The following PCDH9 variants were observed in gnomAD, a reference collection of about 807,000 sequenced individuals.
The protein encoded by PCDH9 is protocadherin-9.
Under a neutral mutation model 70.6 loss-of-function variants are expected in PCDH9, and 24 were observed. The ratio of observed to expected loss-of-function variants is 0.34; its 90% CI spans 0.25 to 0.48. The LOEUF is 0.48. PCDH9 is among the 20% of genes least tolerant of loss of function. PCDH9 has a pLI of 0.99. For missense variants in PCDH9, 1,281 were observed against 1,503.6 expected, an observed-to-expected ratio of 0.85 and a Z score of 2.45; for synonymous variants, 562 against 558.5, an observed-to-expected ratio of 1.01 and a Z score of -0.09.
chr13:66,793,431 G>T (rs1031390379), intron 3 of PCDH9, among the ~76,000 whole-genome samples: 2 of 152,128 alleles, frequency 1.3e-5, no homozygotes, highest in African/African-American at 4.8e-5. Flanking sequence ...TAGGTAAAGT[G>T]AAGCAAAGCC....
intron 2 of PCDH9, among the ~76,000 whole-genome samples, chr13:67,106,543 A>C (rs1245044847): frequency 2.6e-5 from 4 of 152,200 alleles, no homozygotes; most frequent in Admixed American, 2.6e-4. Context: ...ATATGGTATC[A>C]ATGACAGCAG....
At chr13:66,837,651 G>A (rs1206041939) in intron 3 of PCDH9, among the ~76,000 whole-genome samples, 2 of 152,126 alleles carry the variant, frequency 1.3e-5, no homozygotes, top group African/African-American at 4.8e-5. Flanking sequence ...ATTTCTTTCT[G>A]TTCTTATTTC....
chr13:66,745,682 A>G (rs1397812549), intron 3 of PCDH9, among the ~76,000 whole-genome samples: 1 of 152,166 alleles, frequency 6.6e-6, no homozygotes, highest in Non-Finnish European at 1.5e-5. Context: ...ATCTTAAATT[A>G]ATAATAATTA....
At chr13:66,783,868 A>T (rs1375436444) in intron 3 of PCDH9, among the ~76,000 whole-genome samples, 1 of 152,162 alleles carries the variant, frequency 6.6e-6, no homozygotes, top group Non-Finnish European at 1.5e-5. Context: ...AACTGTATAC[A>T]AAGTCACATA....
intron 2 of PCDH9, among the ~76,000 whole-genome samples, chr13:67,067,553 T>C (rs1302568734): frequency 1.3e-5 from 2 of 152,088 alleles, no homozygotes; most frequent in Non-Finnish European, 2.9e-5. Context: ...AAAAATCATC[T>C]GTCTTCCCAA....
At chr13:66,864,655 G>GC (rs1272378234) in intron 3 of PCDH9, among the ~76,000 whole-genome samples, 2 of 151,978 alleles carry the variant, frequency 1.3e-5, no homozygotes, top group African/African-American at 4.8e-5. Context: ...CTTTTTTCCT[G>GC]CCCCCAAAAT....
intron 3 of PCDH9, among the ~76,000 whole-genome samples, chr13:66,778,948 A>C (rs111668895): frequency 1.3e-5 from 2 of 152,306 alleles, no homozygotes; most frequent in African/African-American, 4.8e-5. Context: ...ACATAGGTAA[A>C]TCAGTTTCAG....
intron 3 of PCDH9, among the ~76,000 whole-genome samples, chr13:66,684,913 G>A (rs2078378671): frequency 6.6e-6 from 1 of 152,026 alleles, no homozygotes; most frequent in Non-Finnish European, 1.5e-5. Context: ...CTTGTTGAAT[G>A]CAAAATGTTA....
chr13:67,019,128 T>C (rs1414393704), intron 2 of PCDH9, among the ~76,000 whole-genome samples: 1 of 151,328 alleles, frequency 6.6e-6, no homozygotes, highest in Non-Finnish European at 1.5e-5. Context: ...CCTTCCTTCT[T>C]AAAATGCCAG....
At chr13:66,427,231 T>C (rs1393198122) in intron 4 of PCDH9, among the ~76,000 whole-genome samples, 1 of 151,672 alleles carries the variant, frequency 6.6e-6, no homozygotes, top group Non-Finnish European at 1.5e-5. Context: ...ATACGTCTGA[T>C]TACAAAGCTG....
chr13:67,011,054 G>T (rs1362623148), intron 2 of PCDH9, among the ~76,000 whole-genome samples: 1 of 151,854 alleles, frequency 6.6e-6, no homozygotes, highest in Non-Finnish European at 1.5e-5. Flanking sequence ...GTATGACATG[G>T]TGGCAATAAC....
intron 4 of PCDH9, among the ~76,000 whole-genome samples, chr13:66,609,054 C>A (rs1328891005): frequency 6.6e-6 from 1 of 152,028 alleles, no homozygotes; most frequent in African/African-American, 2.4e-5. Context: ...CTGTTGAGTG[C>A]AAACTTTAGA....
At chr13:67,129,848 G>C (rs1289946157) in intron 2 of PCDH9, among the ~76,000 whole-genome samples, 1 of 151,766 alleles carries the variant, frequency 6.6e-6, no homozygotes, top group Non-Finnish European at 1.5e-5. Flanking sequence ...TCCTATTAAA[G>C]CCTTTTGCAA....
intron 3 of PCDH9, among the ~76,000 whole-genome samples, chr13:66,845,663 C>A (rs1401506883): frequency 6.6e-6 from 1 of 152,226 alleles, no homozygotes; most frequent in South Asian, 2.1e-4. Flanking sequence ...CTGCTTGCTC[C>A]GTGGAGGACA....
chr13:67,206,095 C>G (rs2089336176), intron 2 of PCDH9: 1 of 152,172 alleles, frequency 6.6e-6, no homozygotes. Flanking sequence ...TCCGCCTCGG[C>G]CTCACAAAGT....
At chr13:67,176,558 G>T (rs2059683151) in intron 2 of PCDH9, among the ~76,000 whole-genome samples, 1 of 151,642 alleles carries the variant, frequency 6.6e-6, no homozygotes, top group South Asian at 2.1e-4. Context: ...TTAGGACAAA[G>T]AAACATATTT....
chr13:66,746,211 A>G (rs2079360447), intron 3 of PCDH9, among the ~76,000 whole-genome samples: 1 of 152,208 alleles, frequency 6.6e-6, no homozygotes, highest in South Asian at 2.1e-4. Flanking sequence ...TACTTACACC[A>G]TCTAAAAACA....
chr13:66,342,744 G>A (rs963353895), intron 4 of PCDH9, among the ~76,000 whole-genome samples: 1 of 151,740 alleles, frequency 6.6e-6, no homozygotes, highest in African/African-American at 2.4e-5. Flanking sequence ...CGAGTAGCTG[G>A]GATTACAGGC....
intron 3 of PCDH9, among the ~76,000 whole-genome samples, chr13:66,765,489 G>T (rs1264143881): frequency 6.6e-6 from 1 of 151,874 alleles, no homozygotes; most frequent in Non-Finnish European, 1.5e-5. Context: ...ACTAAAAGTT[G>T]CTTTCTCATG....
Sources: gnomAD v4.1 joint callset for allele counts (sites outside exome capture counted in the v4.1 genomes callset) on GRCh38, gnomAD v4.1.1 for gene constraint, MANE v1.5 for transcripts, NCBI Gene and HGNC (gene_info 2026-07-23, HGNC 2026-07-21) for gene names.